The following NRG1 variants were observed in gnomAD, a reference collection of about 807,000 sequenced individuals.
NRG1 encodes the protein neuregulin 1, also known as pro-neuregulin-1, membrane-bound isoform.
Under a neutral mutation model 63.8 loss-of-function variants are expected in NRG1, and 18 were observed. The observed-to-expected ratio is 0.28, with a 90% CI of 0.19 to 0.42. The LOEUF is 0.42. Among genes scored for constraint, NRG1 ranks in the 10% least tolerant of loss-of-function variants. NRG1 has a pLI of 1.00. For missense variants in NRG1, 762 were observed against 814.7 expected, an observed-to-expected ratio of 0.94 and a Z score of 0.79; for synonymous variants, 302 against 301.3, an observed-to-expected ratio of 1.00 and a Z score of -0.02.
chr8:32,204,210 T>A (rs7012600), intron 1 of NRG1, among the ~76,000 whole-genome samples: 6,365 of 152,276 alleles, frequency 0.042, 201 homozygotes, highest in Middle Eastern at 0.092. Flanking sequence ...GCAGTCCAGA[T>A]TGTGTTGGGC....
chr8:32,026,385 T>C (rs2130350827), intron 1 of NRG1: 1 of 152,332 alleles, frequency 6.6e-6, no homozygotes, highest in East Asian at 1.9e-4. Context: ...TTTTTGCTTA[T>C]TTTTTCCCCC....
chr8:31,689,078 C>T (rs542910682), intron 1 of NRG1, among the ~76,000 whole-genome samples: 38 of 152,270 alleles, frequency 2.5e-4, no homozygotes, highest in Non-Finnish European at 4.4e-4. Flanking sequence ...CTCTCTCTTC[C>T]GCCTCCATCT....
At chr8:32,398,681 G>A (rs1812767081) in intron 1 of NRG1, among the ~76,000 whole-genome samples, 1 of 152,100 alleles carries the variant, frequency 6.6e-6, no homozygotes, top group African/African-American at 2.4e-5. Flanking sequence ...AAAGTGCTGG[G>A]ATTAATTACA....
intron 1 of NRG1, among the ~76,000 whole-genome samples, chr8:31,867,487 TTCTA>T (rs1267902848): frequency 6.6e-6 from 1 of 152,212 alleles, no homozygotes. Flanking sequence ...GTGATGATTC[TTCTA>T]TCTGTCATGA....
intron 1 of NRG1, among the ~76,000 whole-genome samples, chr8:32,192,972 G>T (rs752057856): frequency 6.6e-6 from 1 of 151,964 alleles, no homozygotes; most frequent in Non-Finnish European, 1.5e-5. Flanking sequence ...AAGCTCAACG[G>T]GGAGGAATTG....
chr8:32,439,220 T>A (rs1056402284), intron 1 of NRG1, among the ~76,000 whole-genome samples: 1 of 152,200 alleles, frequency 6.6e-6, no homozygotes, highest in Non-Finnish European at 1.5e-5. Context: ...AGTTAACAGT[T>A]ATTTTTTGCT....
intron 1 of NRG1, among the ~76,000 whole-genome samples, chr8:31,689,207 G>A (rs1397109738): frequency 6.6e-6 from 1 of 152,078 alleles, no homozygotes; most frequent in Non-Finnish European, 1.5e-5. Context: ...CTTACCACTT[G>A]CCATGTAACA....
At chr8:31,742,737 C>A (rs1054225578) in intron 1 of NRG1, among the ~76,000 whole-genome samples, 1 of 151,712 alleles carries the variant, frequency 6.6e-6, no homozygotes, top group Non-Finnish European at 1.5e-5. Context: ...AATTCAGGTA[C>A]CTTGTATCTT....
chr8:31,778,546 A>G (rs1370027221), intron 1 of NRG1, among the ~76,000 whole-genome samples: 2 of 152,172 alleles, frequency 1.3e-5, no homozygotes, highest in Admixed American at 6.5e-5. Context: ...CATCTAGTCA[A>G]TGCTTAATAA....
intron 1 of NRG1, among the ~76,000 whole-genome samples, 180 bp from the exon 2 acceptor site, chr8:32,595,648 G>A (rs1340026953): frequency 6.6e-6 from 1 of 151,924 alleles, no homozygotes; most frequent in Non-Finnish European, 1.5e-5. Flanking sequence ...TTTTATTTGG[G>A]CATTTTATTT....
intron 1 of NRG1, among the ~76,000 whole-genome samples, chr8:32,345,099 C>T (rs554882632): frequency 1.0e-3 from 155 of 152,320 alleles, no homozygotes; most frequent in Admixed American, 4.1e-3. Flanking sequence ...TTTCTGCTGA[C>T]ATCTATGTTG....
intron 1 of NRG1, among the ~76,000 whole-genome samples, chr8:31,775,612 G>C (rs1020408598): frequency 5.3e-5 from 8 of 152,058 alleles, no homozygotes; most frequent in African/African-American, 1.9e-4. Context: ...CTTTGGCCGG[G>C]TGCGGTGGCT....
chr8:32,289,607 A>C (rs1158868098), intron 1 of NRG1, among the ~76,000 whole-genome samples: 1 of 152,190 alleles, frequency 6.6e-6, no homozygotes, highest in Non-Finnish European at 1.5e-5. Flanking sequence ...GGGAAGCTTG[A>C]TTAATGATTT....
intron 1 of NRG1, among the ~76,000 whole-genome samples, chr8:31,859,853 A>G (rs531424194): frequency 6.6e-6 from 1 of 152,216 alleles, no homozygotes; most frequent in South Asian, 2.1e-4. Flanking sequence ...ATCGAACTTA[A>G]TTCCATTTTA....
chr8:31,888,059 T>A (rs767564778), intron 1 of NRG1, among the ~76,000 whole-genome samples: 1 of 151,780 alleles, frequency 6.6e-6, no homozygotes, highest in Non-Finnish European at 1.5e-5. Flanking sequence ...ATATTATACA[T>A]GTATTGATGT....
intron 1 of NRG1, among the ~76,000 whole-genome samples, chr8:31,920,417 A>G (rs1833804831): frequency 6.6e-6 from 1 of 152,188 alleles, no homozygotes; most frequent in Admixed American, 6.5e-5. Context: ...ATAATCATTA[A>G]TGCATGTATG....
At chr8:32,231,428 T>A (rs1846926966) in intron 1 of NRG1, among the ~76,000 whole-genome samples, 1 of 152,122 alleles carries the variant, frequency 6.6e-6, no homozygotes, top group South Asian at 2.1e-4. Flanking sequence ...TTCCGCTTTG[T>A]AAGGAAAAAT....
At chr8:32,287,120 C>G (rs534512638) in intron 1 of NRG1, 15 of 152,218 alleles carry the variant, frequency 9.9e-5, no homozygotes, top group African/African-American at 3.6e-4. Context: ...CATAACAACG[C>G]AAATGAACTA....
At chr8:32,009,875 C>T (rs918541164) in intron 1 of NRG1, among the ~76,000 whole-genome samples, 1 of 151,774 alleles carries the variant, frequency 6.6e-6, no homozygotes, top group Non-Finnish European at 1.5e-5. Context: ...TTCTCTCCCC[C>T]CAGCCCTCCC....
Sources: allele counts gnomAD v4.1 joint callset (sites outside exome capture counted in the v4.1 genomes callset), GRCh38; gene constraint gnomAD v4.1.1; transcripts MANE v1.5; gene names NCBI Gene and HGNC (gene_info 2026-07-23, HGNC 2026-07-21).